FERMT1: variants seen among roughly 807,000 people sequenced by gnomAD.
FERMT1 encodes fermitin family homolog 1.
Under a neutral mutation model 85.3 loss-of-function variants are expected in FERMT1, and 60 were observed. The observed-to-expected ratio is 0.70, with a 90% CI of 0.57 to 0.87. The LOEUF (loss-of-function observed/expected upper bound fraction) is 0.87. FERMT1 is among the 40% of genes least tolerant of loss of function. The pLI, the probability that FERMT1 is intolerant of heterozygous loss-of-function variation, is 0.00. For synonymous variants in FERMT1, 275 were observed against 301.1 expected, an observed-to-expected ratio of 0.91 and a Z score of 0.90; for missense variants, 701 against 818.9, an observed-to-expected ratio of 0.86 and a Z score of 1.76.
chr20:6,098,352 C>A (rs1181360952), intron 6 of FERMT1, among the ~76,000 whole-genome samples: 1 of 152,092 alleles, frequency 6.6e-6, no homozygotes, highest in Non-Finnish European at 1.5e-5. Flanking sequence ...TTTATACAAG[C>A]TGATTCTCAA....
At chr20:6,119,836 A>C (rs566691784) in intron 1 of FERMT1, among the ~76,000 whole-genome samples, 1 of 152,190 alleles carries the variant, frequency 6.6e-6, no homozygotes, top group African/African-American at 2.4e-5. Flanking sequence ...CCACTTGGCT[A>C]TGTATTTCCT....
chr20:6,078,707 C>G (rs370627843), intron 14 of FERMT1, among the ~76,000 whole-genome samples: 2 of 149,530 alleles, frequency 1.3e-5, no homozygotes, highest in African/African-American at 5.0e-5. Context: ...AGGCTGGTCT[C>G]GAACTCCCAG....
intron 11 of FERMT1, among the ~76,000 whole-genome samples, chr20:6,087,393 C>G (rs62200472): frequency 6.6e-6 from 1 of 152,150 alleles, no homozygotes; most frequent in African/African-American, 2.4e-5. Flanking sequence ...TCACTGCAAA[C>G]TCTGCATCCT....
chr20:6,115,939 G>T lies in FERMT1; in HGVS notation c.257C>A (p.Ala86Glu). Residue 86 changes from alanine (A) to glutamate (E), a missense_variant, in exon 3 of 15, where the codon GCA (alanine) becomes GAA (glutamate). Transcript: ENST00000217289. ...TLDKYGVQAD[A>E]KLLFTPQHKM... ...ATGCTGAGGGGTGAAGAGAAGCTTT[G>T]CATCTGCCTGGACCCCATATTTGTC... 2.5e-6 allele frequency: 4 copies of T among 1,614,146 alleles called. No homozygotes were observed. Among genetic ancestry groups the T allele is most frequent in the Non-Finnish European group, 3.4e-6 (4 of 1,180,004 alleles).
rs11405989 is a variant in FERMT1, at chr20:6,075,049, G to GT, written c.*2123dup. On this transcript the variant is annotated 3_prime_UTR_variant, in exon 15 of 15. Transcript: ENST00000217289. The stretch of plus-strand genomic sequence containing the variant: ...CTTTGGAACAGTAGCATTTAGGTTT[G>GT]TTTTTTTTTTTTTTTGTCACACTTG... The GT allele has an allele frequency of 0.17, 21,541 of 129,034 alleles. 1,956 individuals carry two copies. The highest frequency in any genetic ancestry group is 0.2 in the Non-Finnish European group (12,340 of 62,642). 8.0% of individuals were successfully genotyped at this position (129,034 alleles called of 1,614,324 possible).
At chr20:6,122,010 G>C (rs1983290214) in intron 1 of FERMT1, among the ~76,000 whole-genome samples, 1 of 152,192 alleles carries the variant, frequency 6.6e-6, no homozygotes, top group Admixed American at 6.5e-5. Context: ...GTGAAGTCTA[G>C]TTATTTAAAA....
At chr20:6,103,304 A>T (rs1356426279) in intron 6 of FERMT1, among the ~76,000 whole-genome samples, 1 of 152,222 alleles carries the variant, frequency 6.6e-6, no homozygotes, top group African/African-American at 2.4e-5. Flanking sequence ...ATGTATCATA[A>T]TGTATTTAAC....
At chr20:6,088,842 T>A (rs1698245453) in intron 10 of FERMT1, 123 bp downstream of exon 10, 1 of 897,938 alleles carries the variant, frequency 1.1e-6, no homozygotes, top group Middle Eastern at 2.5e-4. Flanking sequence ...CAGGCTGGTC[T>A]CGAACTCCTG....
Position 6,115,800 on chromosome 20 carries a change from T to C in FERMT1, c.385+11A>G, listed in dbSNP as rs1387277557. On this transcript the variant is annotated intron_variant, in intron 3 of 14. Coordinates refer to ENST00000217289, the MANE Select transcript of FERMT1 (RefSeq NM_017671.5). ...GTCTACAGGGCACAGGGGCCTTTCC[T>C]GGGTACTTACTCAGGATTTTGCAGA... The C allele has an allele frequency of 6.2e-7, 1 of 1,606,178 alleles. No homozygotes were observed. Among genetic ancestry groups the C allele is most frequent in the Non-Finnish European group, 8.5e-7 (1 of 1,172,794 alleles).
intron 6 of FERMT1, among the ~76,000 whole-genome samples, chr20:6,098,319 C>T (rs189685848): frequency 5.4e-4 from 82 of 152,110 alleles, no homozygotes; most frequent in East Asian, 2.3e-3. Context: ...AAGCAGAATC[C>T]GATAGGATTT....
intron 5 of FERMT1, among the ~76,000 whole-genome samples, chr20:6,108,867 G>A (rs996948964): frequency 2.0e-5 from 3 of 150,308 alleles, no homozygotes; most frequent in African/African-American, 7.4e-5. Context: ...GAATCCATAC[G>A]TCCTGACTAC....
chr20:6,094,698 G>A (rs1475978419), intron 9 of FERMT1, among the ~76,000 whole-genome samples: 2 of 152,118 alleles, frequency 1.3e-5, no homozygotes, highest in Non-Finnish European at 1.5e-5. Flanking sequence ...CCAAGGGGAG[G>A]TATATTCCCA....
Position 6,081,607 on chromosome 20 carries a change from G to A in FERMT1, c.1719-2030C>T, listed in dbSNP as rs79227982. ...GAGGGAGAGAAAACCTAACTGGAGT[G>A]GTTTCAAGAGAGAATGGAAGCAAGG... is the stretch of plus-strand genomic sequence containing the variant. On this transcript the variant is annotated intron_variant, in intron 13 of 14. Transcript: ENST00000217289. 4.8e-3 allele frequency among the ~76,000 whole-genome samples: 724 copies of A among 152,158 alleles called. 6 individuals are homozygous for A. Among genetic ancestry groups the A allele is most frequent in the African/African-American group, 0.016 (669 of 41,496 alleles).
At chr20:6,089,228 AT>A (rs1276456587) in intron 9 of FERMT1, 139 bp from the exon 10 acceptor site, 1 of 830,994 alleles carries the variant, frequency 1.2e-6, no homozygotes, top group African/African-American at 1.7e-5. Context: ...CAAATTGCTA[AT>A]TTCCAAGCGC....
chr20:6,090,361 C>T (rs754272451), intron 9 of FERMT1, among the ~76,000 whole-genome samples: 33 of 152,124 alleles, frequency 2.2e-4, no homozygotes, highest in Non-Finnish European at 4.7e-4. Flanking sequence ...GCATGAGCCA[C>T]CACGCCCAGC....
At position 6,085,303 on chromosome 20, in the gene FERMT1, G is replaced by A. The variant is rs370927689; in HGVS notation, c.1372-16C>T. 2.3e-5 allele frequency: 37 copies of A among 1,611,686 alleles called. 1 individual carries two copies. Among genetic ancestry groups the A allele is most frequent in the African/African-American group, 2.3e-4 (17 of 74,968 alleles). On this transcript the variant is annotated splice_polypyrimidine_tract_variant and intron_variant, in intron 11 of 14. Coordinates refer to ENST00000217289, the MANE Select transcript of FERMT1 (RefSeq NM_017671.5). ...ATTGATTCTCCTGCAGCAAACAGAA[G>A]GTTGAGAAGCAAGCTCAAGTGCAAA...
At chr20:6,086,509 T>C (rs1982191346) in intron 11 of FERMT1, among the ~76,000 whole-genome samples, 2 of 152,090 alleles carry the variant, frequency 1.3e-5, no homozygotes, top group Admixed American at 6.6e-5. Flanking sequence ...AGTGCAACAG[T>C]GGGTGAGGAA....
Position 6,113,112 on chromosome 20 carries a change from C to G in FERMT1, c.386-489G>C, listed in dbSNP as rs149754865. ...AATTGAATCATGGGGGCAGGTCTTT[C>G]CTGTGCTGTTCTCATGATAGTGAAT... On this transcript the variant is annotated intron_variant, in intron 3 of 14. Transcript: ENST00000217289. Among the ~76,000 whole-genome samples, 1,264 of 152,206 alleles carry G rather than the reference C, an allele frequency of 8.3e-3. 13 individuals are homozygous for G. Among genetic ancestry groups the G allele is most frequent in the Middle Eastern group, 0.027 (8 of 294 alleles).
chr20:6,120,273 A>G (rs535002279), intron 1 of FERMT1: 1 of 152,348 alleles, frequency 6.6e-6, no homozygotes, highest in South Asian at 2.1e-4. Flanking sequence ...TATTCGATTT[A>G]CTTATTGTTC....
Sources: allele counts gnomAD v4.1 joint callset (sites outside exome capture counted in the v4.1 genomes callset), GRCh38; gene constraint gnomAD v4.1.1; transcripts MANE v1.5; gene names NCBI Gene and HGNC (gene_info 2026-07-23, HGNC 2026-07-21).